Variants in PXYLP1 observed in about 807,000 individuals in gnomAD.
PXYLP1 encodes the protein acid phosphatase-like 2.
PXYLP1 carries 17 observed loss-of-function variants against 37.9 expected under a neutral mutation model. The observed-to-expected ratio is 0.45, with a 90% CI of 0.31 to 0.67. The LOEUF (loss-of-function observed/expected upper bound fraction) is 0.67, where lower values mean the gene tolerates loss of function less well. Among genes scored for constraint, PXYLP1 ranks in the 30% least tolerant of loss-of-function variants. The pLI is 0.07. For missense variants in PXYLP1, 511 were observed against 612.0 expected (o/e 0.84, Z 1.74); for synonymous variants, 221 against 232.2 (o/e 0.95, Z 0.44).
chr3:141,249,106 C>A (rs17204243), intron 1 of PXYLP1, among the ~76,000 whole-genome samples: 1 of 152,152 alleles, frequency 6.6e-6, no homozygotes, highest in Admixed American at 6.5e-5. Context: ...CTAAGTGAGA[C>A]AGCCGTGTTC....
intron 4 of PXYLP1, 110 bp from the exon 5 acceptor site, chr3:141,287,204 T>C (rs1942096830): frequency 8.8e-7 from 1 of 1,132,640 alleles, no homozygotes; most frequent in Admixed American, 2.1e-5. Flanking sequence ...TACCTGTTAC[T>C]GTGGGTGCAA....
intron 1 of PXYLP1, among the ~76,000 whole-genome samples, chr3:141,233,463 C>CAAAAAAAAAAAAAAAAAAAAAAACAAAAA: frequency 1.3e-5 from 1 of 79,404 alleles, no homozygotes; most frequent in Non-Finnish European, 2.5e-5. Flanking sequence ...AAAACCCTGT[C>CAAAAAAAAAAAAAAAAAAAAAAACAAAAA]AAAAAAAAAA....
chr3:141,288,383 T>C (rs779037748), intron 5 of PXYLP1, among the ~76,000 whole-genome samples: 1 of 152,158 alleles, frequency 6.6e-6, no homozygotes, highest in Admixed American at 6.5e-5. Context: ...TTTGCCATTA[T>C]TATTGGGGAA....
intron 2 of PXYLP1, 125 bp downstream of exon 2, chr3:141,260,379 G>A: frequency 1.8e-6 from 2 of 1,127,648 alleles, no homozygotes; most frequent in South Asian, 3.0e-5. Context: ...TTTATTGTTG[G>A]CACTCACAGT....
intron 1 of PXYLP1, among the ~76,000 whole-genome samples, chr3:141,254,466 C>T (rs1214155985): frequency 1.3e-5 from 2 of 152,210 alleles, no homozygotes; most frequent in Non-Finnish European, 2.9e-5. Context: ...AAGTGGAGAA[C>T]TCTGGAATGT....
intron 1 of PXYLP1, among the ~76,000 whole-genome samples, chr3:141,242,721 G>T (rs1363731871): frequency 2.0e-5 from 3 of 152,150 alleles, no homozygotes; most frequent in Non-Finnish European, 1.5e-5. Flanking sequence ...GTGCCTTCTT[G>T]GTCCAAGTGC....
chr3:141,281,015 C>A (rs889417882), intron 4 of PXYLP1, among the ~76,000 whole-genome samples: 1 of 152,190 alleles, frequency 6.6e-6, no homozygotes, highest in East Asian at 1.9e-4. Flanking sequence ...TATTTTAACC[C>A]TCATAGTATT....
chr3:141,249,323 C>G (rs945566506), intron 1 of PXYLP1, among the ~76,000 whole-genome samples: 1 of 152,264 alleles, frequency 6.6e-6, no homozygotes, highest in East Asian at 1.9e-4. Context: ...CAGTGGCATG[C>G]GTGAGTGCTC....
Position 141,279,457 on chromosome 3 carries a change from T to G in PXYLP1, c.318T>G (p.Ile106Met), listed in dbSNP as rs982291239. The G allele has an allele frequency of 1.2e-6, 2 of 1,614,072 alleles. No individual in the cohort carries two copies. Among genetic ancestry groups the G allele is most frequent in the Non-Finnish European group, 1.7e-6 (2 of 1,179,978 alleles). Residue 106 changes from isoleucine to methionine, a missense_variant, in exon 4 of 6, where the codon ATT (isoleucine) becomes ATG (methionine). Physicochemically the swap from Ile to Met is conservative, Grantham distance 10 (BLOSUM62 1). Transcript: ENST00000286353. ...GAGACAGGTACCCACTGTATGTCAT[T>G]CCCAAAACAAAGCGACCAGAAATTG... ...RHGDRYPLYVIPKTKRPEIDC... is the reference protein window; with the variant it reads ...RHGDRYPLYVMPKTKRPEIDC...
intron 4 of PXYLP1, among the ~76,000 whole-genome samples, chr3:141,281,428 G>A (rs1174973582): frequency 1.3e-5 from 2 of 152,350 alleles, no homozygotes; most frequent in South Asian, 4.1e-4. Context: ...CGCTTGTTGG[G>A]GCTGCCTCTG....
chr3:141,265,049 C>A (rs1026716), intron 2 of PXYLP1, among the ~76,000 whole-genome samples: 66,019 of 152,012 alleles, frequency 0.43, 16,845 homozygotes, highest in South Asian at 0.61. Flanking sequence ...TTAAAGAAAG[C>A]AGGAGTGGTC....
chr3:141,257,935 GAGAGAA>G (rs1941301872), intron 1 of PXYLP1, among the ~76,000 whole-genome samples: 1 of 149,854 alleles, frequency 6.7e-6, no homozygotes, highest in African/African-American at 2.5e-5. Context: ...AAGAGAGAGA[GAGAGAA>G]AGAAAGAAGA....
chr3:141,232,978 G>A (rs952176706), intron 1 of PXYLP1, among the ~76,000 whole-genome samples: 1 of 152,106 alleles, frequency 6.6e-6, no homozygotes, highest in Non-Finnish European at 1.5e-5. Context: ...TAGGGGGGTG[G>A]ATGGGGGATC....
chr3:141,267,102 GTC>G (rs1941535486), intron 2 of PXYLP1, among the ~76,000 whole-genome samples: 1 of 152,154 alleles, frequency 6.6e-6, no homozygotes, highest in Non-Finnish European at 1.5e-5. Flanking sequence ...CGAGGCACAC[GTC>G]TTGATGAAAG....
At chr3:141,242,236 C>A (rs76181040) in intron 1 of PXYLP1, among the ~76,000 whole-genome samples, 1 of 152,268 alleles carries the variant, frequency 6.6e-6, no homozygotes, top group South Asian at 2.1e-4. Context: ...TTGAAATGAA[C>A]GCTCAATCCT....
chr3:141,258,636 A>C (rs1456084797), intron 1 of PXYLP1: 2 of 161,202 alleles, frequency 1.2e-5, no homozygotes, highest in Admixed American at 6.1e-5. Context: ...TCTGGGCCAG[A>C]GGACTAAGGC....
intron 1 of PXYLP1, among the ~76,000 whole-genome samples, chr3:141,237,532 A>G (rs1940689631): frequency 6.6e-6 from 1 of 152,240 alleles, no homozygotes; most frequent in East Asian, 1.9e-4. Flanking sequence ...GGGTGGTGAT[A>G]ATAATACCTA....
chr3:141,236,123 C>T (rs973156715), intron 1 of PXYLP1: 7 of 152,242 alleles, frequency 4.6e-5, no homozygotes, highest in Non-Finnish European at 1.0e-4. Flanking sequence ...GCCCCTCCCT[C>T]CATCAGTGGA....
chr3:141,251,036 TCATGAA>T (rs1337407808), intron 1 of PXYLP1, among the ~76,000 whole-genome samples: 1 of 152,226 alleles, frequency 6.6e-6, no homozygotes, highest in Non-Finnish European at 1.5e-5. Flanking sequence ...CTAATGCAGC[TCATGAA>T]CGCCTGTGCA....
Sources: gnomAD v4.1 joint callset for allele counts (sites outside exome capture counted in the v4.1 genomes callset) on GRCh38, gnomAD v4.1.1 for gene constraint, MANE v1.5 for transcripts, NCBI Gene and HGNC (gene_info 2026-07-23, HGNC 2026-07-21) for gene names.